TYR: variants seen among roughly 807,000 people sequenced by gnomAD.
TYR encodes tyrosinase.
TYR carries 58 observed loss-of-function variants against 51.5 expected under a neutral mutation model. The ratio of observed to expected loss-of-function variants is 1.13; its 90% CI spans 0.91 to 1.40. The LOEUF (loss-of-function observed/expected upper bound fraction) is 1.40. Ranked by LOEUF, TYR falls within the 40% of genes most tolerant of loss-of-function variation. The probability of loss-of-function intolerance (pLI) is 0.00; values close to 1 mark genes in which losing one functional copy is unlikely to be tolerated. For synonymous variants in TYR, 263 were observed against 235.2 expected (o/e 1.12, Z -1.08); for missense variants, 732 against 647.4 (o/e 1.13, Z -1.42).
intron 1 of TYR, among the ~76,000 whole-genome samples, chr11:89,180,455 A>G (rs1943285729): frequency 6.6e-6 from 1 of 152,070 alleles, no homozygotes; most frequent in Non-Finnish European, 1.5e-5. Context: ...GCTATCCACA[A>G]CTGTATGAGT....
At chr11:89,212,589 A>G (rs1286277612) in intron 2 of TYR, among the ~76,000 whole-genome samples, 1 of 152,224 alleles carries the variant, frequency 6.6e-6, no homozygotes, top group Non-Finnish European at 1.5e-5. Flanking sequence ...TCATTTTATG[A>G]GGCCAGCATC....
intron 1 of TYR, among the ~76,000 whole-genome samples, chr11:89,187,875 G>C (rs1943395843): frequency 6.6e-6 from 1 of 151,364 alleles, no homozygotes; most frequent in Admixed American, 6.6e-5. Context: ...TCACCTAACA[G>C]GTATGTTTAT....
At chr11:89,263,243 G>A (rs1030411272) in intron 3 of TYR, among the ~76,000 whole-genome samples, 3 of 151,744 alleles carry the variant, frequency 2.0e-5, no homozygotes, top group Admixed American at 1.3e-4. Flanking sequence ...ATATAATAAA[G>A]AGAAAATAAA....
chr11:89,243,298 G>A (rs1200553813), intron 3 of TYR, among the ~76,000 whole-genome samples: 2 of 152,034 alleles, frequency 1.3e-5, no homozygotes, highest in African/African-American at 4.8e-5. Flanking sequence ...GCATGTGTGG[G>A]CCACTCACTG....
At chr11:89,281,743 C>A (rs1274632987) in intron 3 of TYR, among the ~76,000 whole-genome samples, 1 of 151,738 alleles carries the variant, frequency 6.6e-6, no homozygotes, top group Non-Finnish European at 1.5e-5. Flanking sequence ...TGACCAGAGT[C>A]TTTACATGTC....
intron 3 of TYR, among the ~76,000 whole-genome samples, chr11:89,259,183 G>T (rs147419644): frequency 2.6e-4 from 39 of 152,068 alleles, no homozygotes; most frequent in African/African-American, 8.2e-4. Flanking sequence ...CCACAGATGC[G>T]CTAAAAATGA....
rs1011062904 is a variant in TYR, at chr11:89,210,336, T to G, written c.1037-17487T>G. Among the ~76,000 whole-genome samples the G allele has an allele frequency of 8.7e-5, 13 of 149,692 alleles. No individual in the cohort carries two copies. In the South Asian group the frequency reaches 1.3e-3, roughly 14 times the overall value. ...TTCATGAAACATATGCAAGCTTCAATAGCAGATTCAATCAAGAGGAAGAAA... is the reference window on the plus strand; with the variant it reads ...TTCATGAAACATATGCAAGCTTCAAGAGCAGATTCAATCAAGAGGAAGAAA... On this transcript the variant is annotated intron_variant, in intron 2 of 4. Coordinates refer to ENST00000263321, the MANE Select transcript of TYR (RefSeq NM_000372.5).
chr11:89,290,984 A>G (rs1328634643), intron 4 of TYR, among the ~76,000 whole-genome samples: 1 of 152,000 alleles, frequency 6.6e-6, no homozygotes, highest in African/African-American at 2.4e-5. Context: ...TCAAATCTTA[A>G]TAGTCTCCTA....
At chr11:89,190,332 G>A (rs976938277) in intron 1 of TYR, among the ~76,000 whole-genome samples, 15 of 152,124 alleles carry the variant, frequency 9.9e-5, no homozygotes, top group Non-Finnish European at 2.1e-4. Flanking sequence ...GGGACAAGAT[G>A]TGGAGGTGGA....
intron 3 of TYR, among the ~76,000 whole-genome samples, chr11:89,275,855 C>T (rs1232913539): frequency 6.6e-6 from 1 of 151,864 alleles, no homozygotes; most frequent in Non-Finnish European, 1.5e-5. Context: ...CAAGAATAGA[C>T]TATAGTCTGT....
chr11:89,224,396 C>T (rs960757009), intron 2 of TYR, among the ~76,000 whole-genome samples: 1 of 152,094 alleles, frequency 6.6e-6, no homozygotes, highest in African/African-American at 2.4e-5. Context: ...AATAACTTGA[C>T]AAGGATTATA....
At chr11:89,188,549 G>A (rs748679082) in intron 1 of TYR, among the ~76,000 whole-genome samples, 5 of 152,046 alleles carry the variant, frequency 3.3e-5, no homozygotes, top group Non-Finnish European at 5.9e-5. Context: ...TTGTTGTGGT[G>A]TAAATACTGA....
At chr11:89,228,851 G>A (rs1396462485) in intron 3 of TYR, among the ~76,000 whole-genome samples, 1 of 152,076 alleles carries the variant, frequency 6.6e-6, no homozygotes, top group Non-Finnish European at 1.5e-5. Flanking sequence ...TCAGAGGAAG[G>A]TCAGCTGTCT....
In TYR at chr11:89,275,858, T is replaced by G. The variant is rs147524529; in HGVS notation, c.1185-8915T>G. On this transcript the variant is annotated intron_variant, in intron 3 of 4. Coordinates refer to ENST00000263321, the MANE Select transcript of TYR (RefSeq NM_000372.5). ...CGGTGATTGGCACAAGAATAGACTA[T>G]AGTCTGTTTACAACTCCATTTAGGT... Among the ~76,000 whole-genome samples, 820 of 151,998 alleles carry G rather than the reference T, an allele frequency of 5.4e-3. 5 individuals carry two copies. Among genetic ancestry groups the G allele is most frequent in the African/African-American group, 0.018 (739 of 41,530 alleles).
intron 2 of TYR, among the ~76,000 whole-genome samples, chr11:89,193,621 G>A (rs1474252680): frequency 6.6e-6 from 1 of 152,006 alleles, no homozygotes; most frequent in African/African-American, 2.4e-5. Context: ...CTTTCAAATT[G>A]CATCTAAACC....
At chr11:89,234,824 T>C (rs530832767) in intron 3 of TYR, among the ~76,000 whole-genome samples, 3 of 152,184 alleles carry the variant, frequency 2.0e-5, no homozygotes, top group African/African-American at 7.2e-5. Flanking sequence ...GCATAACATA[T>C]ACAATAATAA....
chr11:89,243,673 A>C (rs1474333548), intron 3 of TYR, among the ~76,000 whole-genome samples: 1 of 152,196 alleles, frequency 6.6e-6, no homozygotes, highest in South Asian at 2.1e-4. Flanking sequence ...CGAATTAATA[A>C]AGTGTAACAA....
At position 89,178,556 on chromosome 11, in the gene TYR, C is replaced by T; in HGVS notation, c.603C>T (p.Ala201=). 1 of 1,614,122 alleles carries T rather than the reference C, an allele frequency of 6.2e-7. No individual in the cohort carries two copies. The highest frequency in any genetic ancestry group is 8.5e-7 in the Non-Finnish European group (1 of 1,180,034). ...GSEIWRDIDF[A]HEAPAFLPWH... ...AAATCTGGAGAGACATTGATTTTGC[C>T]CATGAAGCACCAGCTTTTCTGCCTT... Residue 201 remains alanine, a synonymous_variant, in exon 1 of 5, where the codon GCC becomes GCT. Coordinates refer to ENST00000263321, the MANE Select transcript of TYR (RefSeq NM_000372.5).
chr11:89,230,527 A>G (rs930422347), intron 3 of TYR, among the ~76,000 whole-genome samples: 1 of 152,130 alleles, frequency 6.6e-6, no homozygotes, highest in African/African-American at 2.4e-5. Context: ...AAAAATAGAC[A>G]AATAGGATTA....
Sources: gnomAD v4.1 joint callset for allele counts (sites outside exome capture counted in the v4.1 genomes callset) on GRCh38, gnomAD v4.1.1 for gene constraint, MANE v1.5 for transcripts, NCBI Gene and HGNC (gene_info 2026-07-23, HGNC 2026-07-21) for gene names.